Variants in PHACTR1 observed in about 807,000 individuals in gnomAD.
The protein encoded by PHACTR1 is RPEL repeat containing 1.
Under a neutral mutation model 69.2 loss-of-function variants are expected in PHACTR1, and 16 were observed. The ratio of observed to expected loss-of-function variants is 0.23; its 90% CI spans 0.16 to 0.35. The LOEUF (loss-of-function observed/expected upper bound fraction) is 0.35. Ranked by LOEUF, PHACTR1 falls within the 10% of genes least tolerant of loss-of-function variation. PHACTR1 has a pLI of 1.00. For synonymous variants in PHACTR1, 312 were observed against 284.5 expected (o/e 1.10, Z -0.97); for missense variants, 510 against 734.7 (o/e 0.69, Z 3.54).
intron 10 of PHACTR1, among the ~76,000 whole-genome samples, chr6:13,252,171 G>A (rs192532222): frequency 3.2e-4 from 47 of 144,766 alleles, no homozygotes; most frequent in South Asian, 1.6e-3. Context: ...AGGGCAGATC[G>A]CTTAGACCAG....
At chr6:12,827,019 G>T (rs1381414442) in intron 4 of PHACTR1, among the ~76,000 whole-genome samples, 1 of 152,100 alleles carries the variant, frequency 6.6e-6, no homozygotes, top group Non-Finnish European at 1.5e-5. Context: ...AATTCTGTGG[G>T]ATACCCACTT....
At chr6:13,147,870 G>T (rs1001075474) in intron 5 of PHACTR1, among the ~76,000 whole-genome samples, 2 of 152,060 alleles carry the variant, frequency 1.3e-5, no homozygotes. Flanking sequence ...TGGTCATAAA[G>T]TGAACACCGT....
chr6:12,985,541 A>AAAAAAAT (rs1179784179), intron 4 of PHACTR1, among the ~76,000 whole-genome samples: 2 of 132,764 alleles, frequency 1.5e-5, no homozygotes, highest in African/African-American at 5.8e-5. Context: ...AAAAAAAAAA[A>AAAAAAAT]ATATATATAT....
At chr6:12,772,614 G>A (rs988544595) in intron 4 of PHACTR1, among the ~76,000 whole-genome samples, 2 of 152,038 alleles carry the variant, frequency 1.3e-5, no homozygotes, top group African/African-American at 4.8e-5. Context: ...AGACCATATG[G>A]TCCCCTTCTG....
intron 5 of PHACTR1, among the ~76,000 whole-genome samples, chr6:13,065,866 T>G (rs1188138057): frequency 6.6e-6 from 1 of 151,556 alleles, no homozygotes; most frequent in Non-Finnish European, 1.5e-5. Flanking sequence ...AATAAGAAAC[T>G]ATCAAACCAA....
intron 5 of PHACTR1, among the ~76,000 whole-genome samples, chr6:13,139,728 C>G (rs2113323152): frequency 6.6e-6 from 1 of 152,272 alleles, no homozygotes; most frequent in East Asian, 1.9e-4. Context: ...TAAATAATTT[C>G]AGCAAAGCTA....
chr6:13,119,014 A>G (rs1042191216), intron 5 of PHACTR1, among the ~76,000 whole-genome samples: 1 of 152,158 alleles, frequency 6.6e-6, no homozygotes, highest in Admixed American at 6.5e-5. Flanking sequence ...ATAGACCCTG[A>G]ACAAAGGTTT....
At chr6:13,121,188 C>A (rs1396812092) in intron 5 of PHACTR1, among the ~76,000 whole-genome samples, 1 of 152,142 alleles carries the variant, frequency 6.6e-6, no homozygotes. Flanking sequence ...CAAAGAAGTA[C>A]AGTGTGCCTG....
intron 3 of PHACTR1, among the ~76,000 whole-genome samples, chr6:12,727,491 G>T (rs531951122): frequency 1.3e-5 from 2 of 152,194 alleles, no homozygotes; most frequent in Admixed American, 6.5e-5. Context: ...ACATAAAGTA[G>T]GGCATGGGGA....
intron 4 of PHACTR1, among the ~76,000 whole-genome samples, chr6:12,919,818 G>A (rs773604805): frequency 1.7e-4 from 26 of 152,108 alleles, no homozygotes; most frequent in African/African-American, 5.1e-4. Context: ...CATCTTTTGC[G>A]TCTTTTGTTT....
chr6:13,233,170 C>A (rs1002740009), intron 10 of PHACTR1, among the ~76,000 whole-genome samples: 4 of 152,200 alleles, frequency 2.6e-5, no homozygotes, highest in African/African-American at 9.7e-5. Flanking sequence ...CCCAGCCTCT[C>A]CTGCCTGAAT....
intron 4 of PHACTR1, among the ~76,000 whole-genome samples, chr6:12,945,350 T>C (rs891125965): frequency 2.0e-5 from 3 of 152,234 alleles, no homozygotes; most frequent in African/African-American, 4.8e-5. Context: ...GCATGTTTAC[T>C]TATCCACTGT....
chr6:12,720,004 C>T (rs145625816), intron 3 of PHACTR1, among the ~76,000 whole-genome samples: 1 of 152,332 alleles, frequency 6.6e-6, no homozygotes, highest in Non-Finnish European at 1.5e-5. Context: ...AGCAAACTCT[C>T]CTCAAACTTC....
At chr6:13,093,830 T>C (rs1426248954) in intron 5 of PHACTR1, among the ~76,000 whole-genome samples, 1 of 152,188 alleles carries the variant, frequency 6.6e-6, no homozygotes, top group African/African-American at 2.4e-5. Flanking sequence ...CTGGACAGAA[T>C]CTGATTTCGA....
At chr6:13,251,892 C>A (rs1262947842) in intron 10 of PHACTR1, among the ~76,000 whole-genome samples, 5 of 149,718 alleles carry the variant, frequency 3.3e-5, no homozygotes, top group South Asian at 4.2e-4. Context: ...CCCATCTCTA[C>A]AAAAATTTAA....
intron 10 of PHACTR1, among the ~76,000 whole-genome samples, chr6:13,262,325 G>A (rs770854793): frequency 6.6e-6 from 1 of 152,186 alleles, no homozygotes; most frequent in African/African-American, 2.4e-5. Flanking sequence ...GGAAGAAGAT[G>A]AGTTAATTCA....
At chr6:12,928,381 C>A (rs1425306641) in intron 4 of PHACTR1, among the ~76,000 whole-genome samples, 1 of 152,170 alleles carries the variant, frequency 6.6e-6, no homozygotes, top group Non-Finnish European at 1.5e-5. Context: ...CCACCACCTA[C>A]GAACGGGACT....
In PHACTR1 at chr6:13,179,405, C is replaced by CGTGTGTGTGTGTGTGT. The variant is rs4053019; in HGVS notation, c.497-3089_497-3074dup. Among the ~76,000 whole-genome samples the CGTGTGTGTGTGTGTGT allele has an allele frequency of 1.3e-3, 188 of 142,056 alleles. 2 individuals carry two copies. Among genetic ancestry groups the CGTGTGTGTGTGTGTGT allele is most frequent in the Admixed American group, 2.6e-3 (37 of 14,002 alleles). 93.2% of individuals were successfully genotyped at this position (142,056 alleles called of 152,430 possible). Reference sequence around the variant, plus strand: ...TATACAGCCCATTACATTAATGTTTCGTGTGTGTGTGTGTGTGTGTGTGTG... The same window carrying CGTGTGTGTGTGTGTGT: ...TATACAGCCCATTACATTAATGTTTCGTGTGTGTGTGTGTGTGTGTGTGTGTGTGTGTGTGTGTGTG... On this transcript the variant is annotated intron_variant, in intron 6 of 14. Coordinates refer to ENST00000332995, the MANE Select transcript of PHACTR1 (RefSeq NM_030948.6). The surrounding 1 kb of genome is among the most constrained non-coding windows in gnomAD (Gnocchi z 4.2).
chr6:13,195,082 A>G (rs1764182259), intron 7 of PHACTR1, among the ~76,000 whole-genome samples: 2 of 152,178 alleles, frequency 1.3e-5, no homozygotes, highest in African/African-American at 4.8e-5. Context: ...GCCTTTGACC[A>G]AGGCAAAACG....
Sources: gnomAD v4.1 joint callset for allele counts (sites outside exome capture counted in the v4.1 genomes callset) on GRCh38, gnomAD v4.1.1 for gene constraint, Gnocchi (gnomAD v3.1) non-coding constraint, MANE v1.5 for transcripts, NCBI Gene and HGNC (gene_info 2026-07-23, HGNC 2026-07-21) for gene names.